The following CFTR variants were observed in gnomAD, a reference collection of about 807,000 sequenced individuals.
CFTR encodes CF transmembrane conductance regulator.
A neutral mutation model predicts 171.6 loss-of-function variants in CFTR; 181 were observed. The ratio of observed to expected loss-of-function variants is 1.05; its 90% CI spans 0.93 to 1.19. The LOEUF (loss-of-function observed/expected upper bound fraction) is 1.19. CFTR is among the 50% of genes most tolerant of loss of function. The pLI is 0.00. For synonymous variants in CFTR, 583 were observed against 608.0 expected, an observed-to-expected ratio of 0.96 and a Z score of 0.60; for missense variants, 1,968 against 1,734.7, an observed-to-expected ratio of 1.13 and a Z score of -2.39.
At chr7:117,507,788 TTTGTTTGTG>T (rs935217470) in intron 2 of CFTR, among the ~76,000 whole-genome samples, 15 of 152,164 alleles carry the variant, frequency 9.9e-5, no homozygotes, top group African/African-American at 3.4e-4. Flanking sequence ...ATGTTTTTTG[TTTGTTTGTG>T]TTGTTTGTTT....
In CFTR at chr7:117,497,621, A is replaced by C. The variant is rs111669951; in HGVS notation, c.54-6632A>C. On this transcript the variant is annotated intron_variant, in intron 1 of 26. Transcript: ENST00000003084. ...AATCTTTAGTTCAGTTTTTTTCAATAACAGATTTGTAGTAGGCATCAGGTG... is the reference window on the plus strand; with the variant it reads ...AATCTTTAGTTCAGTTTTTTTCAATCACAGATTTGTAGTAGGCATCAGGTG... Among the ~76,000 whole-genome samples the C allele has an allele frequency of 5.4e-3, 818 of 152,272 alleles. 6 individuals carry two copies. Among genetic ancestry groups the C allele is most frequent in the African/African-American group, 0.018 (753 of 41,558 alleles).
intron 24 of CFTR, among the ~76,000 whole-genome samples, chr7:117,656,288 T>A (rs1246128614): frequency 6.6e-6 from 1 of 152,144 alleles, no homozygotes; most frequent in African/African-American, 2.4e-5. Context: ...GGGAAACAGG[T>A]TTAGCATAAA....
At chr7:117,524,611 AT>A (rs1183684896) in intron 3 of CFTR, among the ~76,000 whole-genome samples, 12 of 152,318 alleles carry the variant, frequency 7.9e-5, no homozygotes, top group African/African-American at 2.9e-4. Context: ...CATTTTCCTA[AT>A]TTAAAAAAGT....
intron 18 of CFTR, among the ~76,000 whole-genome samples, chr7:117,609,021 T>C (rs376566175): frequency 6.4e-4 from 97 of 152,304 alleles, no homozygotes; most frequent in African/African-American, 2.2e-3. Flanking sequence ...CTGGAACTTA[T>C]TCATTTTGCA....
At chr7:117,552,357 G>C (rs1464935491) in intron 10 of CFTR, among the ~76,000 whole-genome samples, 2 of 152,040 alleles carry the variant, frequency 1.3e-5, no homozygotes, top group Non-Finnish European at 2.9e-5. Context: ...GGTTTATAAA[G>C]CTGTACTATG....
At chr7:117,610,386 TAAAAA>T (rs570660341) in intron 18 of CFTR, 128 bp from the exon 19 acceptor site, 1 of 699,482 alleles carries the variant, frequency 1.4e-6, no homozygotes, top group Non-Finnish European at 2.3e-6. Context: ...TAAAGTATAA[TAAAAA>T]AAATAAAAAA....
At chr7:117,636,169 A>T (rs1190554959) in intron 22 of CFTR, among the ~76,000 whole-genome samples, 1 of 151,962 alleles carries the variant, frequency 6.6e-6, no homozygotes, top group Admixed American at 6.6e-5. Context: ...TTCCCCTCAA[A>T]CCCTTAAATA....
intron 1 of CFTR, among the ~76,000 whole-genome samples, chr7:117,491,298 ACTGTAT>A (rs1163156753): frequency 1.3e-5 from 2 of 152,086 alleles, no homozygotes; most frequent in African/African-American, 4.8e-5. Flanking sequence ...GCAGTGCATA[ACTGTAT>A]CTTAAATACT....
intron 11 of CFTR, among the ~76,000 whole-genome samples, chr7:117,575,704 C>G (rs1791760048): frequency 6.6e-6 from 1 of 152,128 alleles, no homozygotes; most frequent in Admixed American, 6.6e-5. Flanking sequence ...TTCTACCCTT[C>G]TTTCCTTTAC....
At chr7:117,617,789 C>T (rs1212629460) in intron 21 of CFTR, among the ~76,000 whole-genome samples, 1 of 152,108 alleles carries the variant, frequency 6.6e-6, no homozygotes, top group Admixed American at 6.6e-5. Context: ...TCTCCAGCTA[C>T]TACCCCATTT....
intron 6 of CFTR, among the ~76,000 whole-genome samples, 181 bp downstream of exon 6, chr7:117,535,592 C>T (rs771521142): frequency 2.1e-4 from 31 of 144,808 alleles, no homozygotes; most frequent in South Asian, 6.4e-4. Context: ...TGCAGTGGCA[C>T]GATCTTGGCT....
At chr7:117,553,793 A>T (rs1256625706) in intron 10 of CFTR, among the ~76,000 whole-genome samples, 3 of 152,184 alleles carry the variant, frequency 2.0e-5, no homozygotes, top group African/African-American at 7.2e-5. Flanking sequence ...TCAAAAATAA[A>T]AATATAAGTG....
At chr7:117,541,052 C>T (rs893177574) in intron 8 of CFTR, among the ~76,000 whole-genome samples, 1 of 152,198 alleles carries the variant, frequency 6.6e-6, no homozygotes, top group African/African-American at 2.4e-5. Context: ...TCCCTGCTCA[C>T]AGAGCACCTG....
intron 9 of CFTR, among the ~76,000 whole-genome samples, chr7:117,548,333 G>GGT (rs3034794): frequency 0.19 from 27,867 of 144,008 alleles, 2,774 homozygotes; most frequent in East Asian, 0.41. Flanking sequence ...AGGAGAAGAG[G>GGT]GTGTGTGTGT....
intron 21 of CFTR, 22 bp downstream of exon 21, chr7:117,614,735 A>G: frequency 6.5e-7 from 1 of 1,537,630 alleles, no homozygotes; most frequent in East Asian, 2.3e-5. Context: ...CATCTTTTTA[A>G]CTTTTATGAA....
rs1793402969 is a variant in CFTR at position 117,667,375 on chromosome 7, G to C, written c.*267G>C. On this transcript the variant is annotated 3_prime_UTR_variant, in exon 27 of 27. Coordinates refer to ENST00000003084, the MANE Select transcript of CFTR (RefSeq NM_000492.4). ...TTTACCACTTGTGTTTTGCAAGCCAGATTTTCCTGAAAACCCTTGCCATGT... is the reference window on the plus strand; with the variant it reads ...TTTACCACTTGTGTTTTGCAAGCCACATTTTCCTGAAAACCCTTGCCATGT... The C allele has an allele frequency of 4.6e-6, 2 of 435,422 alleles. No individual in the cohort carries two copies. Among genetic ancestry groups the C allele is most frequent in the Admixed American group, 6.9e-5 (2 of 28,988 alleles). 27.0% of individuals were successfully genotyped at this position (435,422 alleles called of 1,614,324 possible). A position where few individuals can be genotyped will look rare whatever the true frequency, so the allele number is the denominator to read the frequency against.
intron 1 of CFTR, among the ~76,000 whole-genome samples, chr7:117,490,312 TACACACACACACACACACAC>T (rs3034759): frequency 7.3e-6 from 1 of 136,786 alleles, no homozygotes; most frequent in Non-Finnish European, 1.6e-5. Context: ...GAACCAATGA[TACACACACACACACACACAC>T]ACACACACAC....
At chr7:117,506,347 A>G (rs538526543) in intron 2 of CFTR, among the ~76,000 whole-genome samples, 1 of 152,212 alleles carries the variant, frequency 6.6e-6, no homozygotes, top group Non-Finnish European at 1.5e-5. Flanking sequence ...CCTGGGTTCA[A>G]GTGATTCTCC....
chr7:117,610,963 A>G (rs1353084106), intron 19 of CFTR, among the ~76,000 whole-genome samples: 2 of 152,138 alleles, frequency 1.3e-5, no homozygotes, highest in Non-Finnish European at 2.9e-5. Context: ...ATATCAGTCA[A>G]ATTAAACAAG....
Sources: allele counts gnomAD v4.1 joint callset (sites outside exome capture counted in the v4.1 genomes callset), GRCh38; gene constraint gnomAD v4.1.1; transcripts MANE v1.5; gene names NCBI Gene and HGNC (gene_info 2026-07-23, HGNC 2026-07-21).